The following PCLO variants were observed in gnomAD, a reference collection of about 807,000 sequenced individuals.
PCLO encodes the protein protein piccolo.
PCLO carries 82 observed loss-of-function variants against 427.5 expected under a neutral mutation model. The ratio of observed to expected loss-of-function variants is 0.19; its 90% CI spans 0.16 to 0.23. The LOEUF (loss-of-function observed/expected upper bound fraction) is 0.23, where lower values mean the gene tolerates loss of function less well. PCLO is among the 10% of genes least tolerant of loss of function. The pLI, the probability that PCLO is intolerant of heterozygous loss-of-function variation, is 1.00. For synonymous variants in PCLO, 2,357 were observed against 2,155.4 expected, an observed-to-expected ratio of 1.09 and a Z score of -2.59; for missense variants, 6,239 against 6,115.9, an observed-to-expected ratio of 1.02 and a Z score of -0.67.
intron 16 of PCLO, among the ~76,000 whole-genome samples, chr7:82,833,756 A>G (rs190678107): frequency 3.0e-4 from 45 of 152,286 alleles, no homozygotes; most frequent in African/African-American, 1.1e-3. Context: ...ATTGCTAGCA[A>G]TAATAATAAC....
rs1554333552 is a variant in PCLO at position 82,794,459 on chromosome 7, C to CTGTTTTT, written c.15007+7058_15007+7059insAAAAACA. On this transcript the variant is annotated intron_variant, in intron 22 of 24. Transcript: ENST00000333891. ...ACATGCTAGTTCATAAATTTTTTTTCTTTTTTTTTTTTTTTTTTTTTTTTT... is the reference window on the plus strand; with the variant it reads ...ACATGCTAGTTCATAAATTTTTTTTCTGTTTTTTTTTTTTTTTTTTTTTTTTTTTTTT... Among the ~76,000 whole-genome samples the CTGTTTTT allele has an allele frequency of 5.1e-4, 29 of 56,366 alleles. 2 individuals carry two copies. The highest frequency in any genetic ancestry group is 6.5e-4 in the Non-Finnish European group (16 of 24,444). 37.0% of individuals were successfully genotyped at this position (56,366 alleles called of 152,430 possible). A position where few individuals can be genotyped will look rare whatever the true frequency, so the allele number is the denominator to read the frequency against.
chr7:83,075,842 T>A (rs1250365856), intron 3 of PCLO, among the ~76,000 whole-genome samples: 1 of 152,114 alleles, frequency 6.6e-6, no homozygotes, highest in East Asian at 1.9e-4. Context: ...ATGTAATATG[T>A]CTAAGGGATT....
intron 20 of PCLO, chr7:82,821,649 T>A (rs1384909857): frequency 2.1e-6 from 2 of 968,550 alleles, no homozygotes; most frequent in Non-Finnish European, 2.5e-6. Flanking sequence ...GCAGTTAAGA[T>A]AGGTCAATTG....
intron 3 of PCLO, among the ~76,000 whole-genome samples, chr7:82,993,266 T>C (rs1005487970): frequency 1.3e-5 from 2 of 152,016 alleles, no homozygotes; most frequent in Admixed American, 1.3e-4. Flanking sequence ...AAATGCAATA[T>C]ATTTCTATAG....
chr7:82,811,299 TA>T (rs1220636521), intron 20 of PCLO, among the ~76,000 whole-genome samples: 1 of 151,592 alleles, frequency 6.6e-6, no homozygotes, highest in Non-Finnish European at 1.5e-5. Flanking sequence ...TTAATTTAGC[TA>T]GTATTTACTT....
intron 3 of PCLO, among the ~76,000 whole-genome samples, chr7:83,008,992 A>C (rs1788014138): frequency 6.6e-6 from 1 of 151,754 alleles, no homozygotes; most frequent in African/African-American, 2.4e-5. Flanking sequence ...TAAAGGCCAA[A>C]AAAAAGTTAA....
At chr7:82,888,484 G>A (rs1584104589) in intron 9 of PCLO, among the ~76,000 whole-genome samples, 1 of 152,200 alleles carries the variant, frequency 6.6e-6, no homozygotes, top group South Asian at 2.1e-4. Context: ...TCACATTTGA[G>A]AACAGCAGTA....
rs202008124 is a variant in PCLO, at chr7:82,905,541, A to C, written c.13438-2800T>G. Among the ~76,000 whole-genome samples, 4 of 151,984 alleles carry C rather than the reference A, an allele frequency of 2.6e-5. No homozygotes were observed. In the East Asian group the frequency reaches 5.8e-4, roughly 22 times the overall value. ...AAGCTCACAGCCCAAGACATAATAC[A>C]TGGGGCACCACTGGAGCACAAAGGA... On this transcript the variant is annotated intron_variant, in intron 8 of 24. Transcript: ENST00000333891.
At chr7:82,863,066 GTGTT>G (rs539308122) in intron 10 of PCLO, among the ~76,000 whole-genome samples, 159 of 152,054 alleles carry the variant, frequency 1.0e-3, no homozygotes, top group Middle Eastern at 6.8e-3. Context: ...TCTCCATGAT[GTGTT>G]TGTTTATCTT....
At chr7:83,074,511 A>G (rs1296816947) in intron 3 of PCLO, among the ~76,000 whole-genome samples, 3 of 152,116 alleles carry the variant, frequency 2.0e-5, no homozygotes, top group African/African-American at 7.2e-5. Flanking sequence ...ACGTAGAATG[A>G]GTGTCAAAGA....
rs1392539287 is a variant in PCLO at position 82,788,351 on chromosome 7, A to AT, written c.15007+13166dup. On this transcript the variant is annotated intron_variant, in intron 22 of 24. Transcript: ENST00000333891. ...AAAAGCATTAATGAATGAAATAAATATTTTTTAAAAACCAAAATAATAACT... is the reference window on the plus strand; with the variant it reads ...AAAAGCATTAATGAATGAAATAAATATTTTTTTAAAAACCAAAATAATAACT... Among the ~76,000 whole-genome samples the AT allele has an allele frequency of 4.6e-5, 7 of 150,540 alleles. No homozygotes were observed. In the South Asian group the frequency reaches 1.5e-3, roughly 31 times the overall value.
At chr7:82,999,371 T>C (rs1183121085) in intron 3 of PCLO, among the ~76,000 whole-genome samples, 1 of 133,278 alleles carries the variant, frequency 7.5e-6, no homozygotes, top group African/African-American at 2.8e-5. Flanking sequence ...TTCCATTATA[T>C]ATTACATATT....
chr7:82,898,492 G>T (rs1056153184), intron 9 of PCLO, among the ~76,000 whole-genome samples: 1 of 151,254 alleles, frequency 6.6e-6, no homozygotes, highest in African/African-American at 2.4e-5. Flanking sequence ...AGTTAGAACT[G>T]TCTATTAAAA....
intron 3 of PCLO, among the ~76,000 whole-genome samples, chr7:83,044,085 A>G (rs1409708384): frequency 6.6e-6 from 1 of 151,984 alleles, no homozygotes; most frequent in Non-Finnish European, 1.5e-5. Context: ...GGAAACTTAC[A>G]ACCATGGCGG....
At chr7:82,927,754 A>G (rs572404314) in intron 6 of PCLO, among the ~76,000 whole-genome samples, 1 of 152,298 alleles carries the variant, frequency 6.6e-6, no homozygotes, top group South Asian at 2.1e-4. Context: ...ATATTTGTTT[A>G]CTAGGCACTT....
chr7:83,146,323 T>G lies in PCLO; in HGVS notation c.1893+8425A>C, dbSNP rs146032080. 1.4e-3 allele frequency among the ~76,000 whole-genome samples: 220 copies of G among 152,324 alleles called. 1 individual carries two copies. The highest frequency in any genetic ancestry group is 5.1e-3 in the African/African-American group (214 of 41,574). ...CCCATATTGTTTGACACCTTACTGA[T>G]GTACTTCATACTATTATTACTTTAA... On this transcript the variant is annotated intron_variant, in intron 2 of 24. Transcript: ENST00000333891.
At chr7:83,077,662 A>C (rs1251908641) in intron 3 of PCLO, among the ~76,000 whole-genome samples, 1 of 152,144 alleles carries the variant, frequency 6.6e-6, no homozygotes, top group Non-Finnish European at 1.5e-5. Flanking sequence ...TGAGAAGCAC[A>C]GATATTTGTT....
intron 6 of PCLO, among the ~76,000 whole-genome samples, chr7:82,926,055 G>C (rs761732933): frequency 4.6e-5 from 7 of 151,970 alleles, no homozygotes; most frequent in Non-Finnish European, 1.0e-4. Context: ...AGATAACAGA[G>C]GAGCGACCTG....
At chr7:82,795,671 T>C (rs181837115) in intron 22 of PCLO, among the ~76,000 whole-genome samples, 20 of 152,298 alleles carry the variant, frequency 1.3e-4, no homozygotes, top group Admixed American at 1.1e-3. Context: ...TAGTTCTCTG[T>C]TTTCTTGACT....
Sources: gnomAD v4.1 joint callset for allele counts (sites outside exome capture counted in the v4.1 genomes callset) on GRCh38, gnomAD v4.1.1 for gene constraint, MANE v1.5 for transcripts, NCBI Gene and HGNC (gene_info 2026-07-23, HGNC 2026-07-21) for gene names.